The following CARD19 variants were observed in gnomAD, a reference collection of about 807,000 sequenced individuals.
The protein encoded by CARD19 is caspase recruitment domain family member 19.
CARD19 carries 25 observed loss-of-function variants against 24.1 expected under a neutral mutation model. The observed-to-expected ratio is 1.04, with a 90% confidence interval of 0.76 to 1.45. The LOEUF (loss-of-function observed/expected upper bound fraction) is 1.45. Among genes scored for constraint, CARD19 ranks in the 40% most tolerant of loss-of-function variants. The probability of loss-of-function intolerance (pLI) is 0.00; values close to 1 mark genes in which losing one functional copy is unlikely to be tolerated. For missense variants in CARD19, 241 were observed against 247.4 expected, an observed-to-expected ratio of 0.97 and a Z score of 0.17; for synonymous variants, 103 against 104.9, an observed-to-expected ratio of 0.98 and a Z score of 0.11.
intron 4 of CARD19, 40 bp from the exon 5 acceptor site, chr9:93,112,178 G>C (rs1303774918): frequency 1.3e-6 from 2 of 1,537,240 alleles, no homozygotes; most frequent in Non-Finnish European, 1.8e-6. Context: ...CCACCCCTCT[G>C]AGGCCCAGGG....
chr9:93,107,834 G>C lies in CARD19; in HGVS notation c.150+18G>C, dbSNP rs755984950. 29 of 1,613,936 alleles carry C rather than the reference G, an allele frequency of 1.8e-5. No individual in the cohort carries two copies. The highest frequency in any genetic ancestry group is 2.7e-5 in the African/African-American group (2 of 74,938). ...CGGAAAAGGTGCTGAGGAGGTGAGGGGGGTACCCGAGACACTGCTCAGTTT... is the reference window on the plus strand; with the variant it reads ...CGGAAAAGGTGCTGAGGAGGTGAGGCGGGTACCCGAGACACTGCTCAGTTT... On this transcript the variant is annotated intron_variant, in intron 2 of 5. Transcript: ENST00000375464.
At chr9:93,098,900 CT>C (rs10693165) in intron 1 of CARD19, among the ~76,000 whole-genome samples, 7 of 120,450 alleles carry the variant, frequency 5.8e-5, no homozygotes, top group Non-Finnish European at 8.2e-5. Context: ...TTGCAGAACT[CT>C]TTTTTTTTTT....
intron 3 of CARD19, chr9:93,111,647 G>T (rs1332334907): frequency 1.2e-5 from 17 of 1,386,114 alleles, no homozygotes; most frequent in Non-Finnish European, 1.6e-5. Flanking sequence ...CCCACTGGAG[G>T]TAGAGCACCT....
At chr9:93,104,136 A>G (rs1827170947) in intron 1 of CARD19, among the ~76,000 whole-genome samples, 1 of 152,206 alleles carries the variant, frequency 6.6e-6, no homozygotes, top group South Asian at 2.1e-4. Flanking sequence ...TGATTTGTAC[A>G]TGTTAAACCA....
chr9:93,111,177 T>C, intron 3 of CARD19: 1 of 1,196,476 alleles, frequency 8.4e-7, no homozygotes, highest in Non-Finnish European at 1.1e-6. Flanking sequence ...GTGTGGGTGT[T>C]TCCATAGGAC....
chr9:93,098,229 A>G (rs1433886985), intron 1 of CARD19, among the ~76,000 whole-genome samples: 1 of 152,240 alleles, frequency 6.6e-6, no homozygotes, highest in African/African-American at 2.4e-5. Context: ...TCTGGACTCC[A>G]GTTGGTTGGG....
Position 93,100,827 on chromosome 9 carries a change from G to A in CARD19, c.7+4475G>A, listed in dbSNP as rs539316888. Among the ~76,000 whole-genome samples the A allele has an allele frequency of 4.6e-5, 7 of 152,214 alleles. No individual in the cohort carries two copies. In the South Asian group the frequency reaches 8.3e-4, roughly 18 times the overall value. On this transcript the variant is annotated intron_variant, in intron 1 of 5. Coordinates refer to ENST00000375464, the MANE Select transcript of CARD19 (RefSeq NM_032310.5). ...AATTGGAATCATATAATATTTGTCC[G>A]TTTGTGCCTTGTTTATTGCACTTAG...
chr9:93,112,321 C>T, intron 5 of CARD19, 32 bp downstream of exon 5: 1 of 1,531,458 alleles, frequency 6.5e-7, no homozygotes, highest in Non-Finnish European at 8.8e-7. Flanking sequence ...TGGGGCTGGG[C>T]CTGCCTCCCC....
chr9:93,112,313 G>C, intron 5 of CARD19, 24 bp downstream of exon 5: 1 of 1,539,096 alleles, frequency 6.5e-7, no homozygotes, highest in Non-Finnish European at 8.7e-7. Flanking sequence ...GATCCTCATG[G>C]GGCTGGGCCT....
In CARD19 at chr9:93,107,770, T is replaced by G. The variant is rs770441907; in HGVS notation, c.104T>G (p.Leu35Arg). 39 of 1,614,108 alleles carry G rather than the reference T, an allele frequency of 2.4e-5. No homozygotes were observed. The highest frequency in any genetic ancestry group is 3.1e-5 in the Non-Finnish European group (37 of 1,180,044). The change falls in exon 2 of 6, where the codon CTG (leucine) becomes CGG (arginine). Residue 35 changes from leucine (L) to arginine (R), a missense_variant. Transcript: ENST00000375464. ...CAGGTGGACAGGATCATCCTCCAGCTGAACCGTTACTACCCACAGATCCTT... is the reference window on the plus strand; with the variant it reads ...CAGGTGGACAGGATCATCCTCCAGCGGAACCGTTACTACCCACAGATCCTT... Reference protein sequence around the residue: ...EQQVDRIILQLNRYYPQILTN... With the variant: ...EQQVDRIILQRNRYYPQILTN...
chr9:93,099,643 G>T (rs1294505384), intron 1 of CARD19, among the ~76,000 whole-genome samples: 1 of 152,206 alleles, frequency 6.6e-6, no homozygotes, highest in Non-Finnish European at 1.5e-5. Flanking sequence ...TAACGAGAGG[G>T]CTGCAGGCGC....
chr9:93,111,029 T>TA (rs1283631644), intron 3 of CARD19: 20 of 1,431,554 alleles, frequency 1.4e-5, no homozygotes, highest in Non-Finnish European at 1.9e-5. Context: ...CTTCCTTTTC[T>TA]AACCTCATTC....
Position 93,112,215 on chromosome 9 carries a change from C to G in CARD19, c.365-3C>G, listed in dbSNP as rs1232535263. 6.5e-7 allele frequency: 1 copy of G among 1,544,802 alleles called. No individual in the cohort carries two copies. Among genetic ancestry groups the G allele is most frequent in the Non-Finnish European group, 8.7e-7 (1 of 1,146,950 alleles). On this transcript the variant is annotated splice_polypyrimidine_tract_variant and splice_region_variant and intron_variant, in intron 4 of 5. Transcript: ENST00000375464. Reference sequence around the variant, plus strand: ...AGCCCTGTTCACGCTGGTTTCTCCCCAGGACCCATGAGCTTCCTGGCTGGC... The same window carrying G: ...AGCCCTGTTCACGCTGGTTTCTCCCGAGGACCCATGAGCTTCCTGGCTGGC...
At chr9:93,103,150 A>G (rs1827143957) in intron 1 of CARD19, among the ~76,000 whole-genome samples, 1 of 152,130 alleles carries the variant, frequency 6.6e-6, no homozygotes, top group Admixed American at 6.5e-5. Context: ...TCTAGTTAGG[A>G]CTGCTAGTAC....
chr9:93,112,384 T>A, intron 5 of CARD19, 95 bp downstream of exon 5: 2 of 992,262 alleles, frequency 2.0e-6, no homozygotes, highest in Non-Finnish European at 3.1e-6. Flanking sequence ...CCCCTTGGCC[T>A]CTTCGTACCT....
chr9:93,105,821 A>G (rs7031737), intron 1 of CARD19, among the ~76,000 whole-genome samples: 23,845 of 152,120 alleles, frequency 0.16, 3,971 homozygotes, highest in African/African-American at 0.41. Flanking sequence ...TATGTCTGCC[A>G]GGTATAATTG....
At position 93,099,210 on chromosome 9, in the gene CARD19, C is replaced by T. The variant is rs28738803; in HGVS notation, c.7+2858C>T. ...AAGTGCTGGGATTATAGGCGTGAGC[C>T]ACCGCGTCCGGCCTGCAGAACTCTT... On this transcript the variant is annotated intron_variant, in intron 1 of 5. Coordinates refer to ENST00000375464, the MANE Select transcript of CARD19 (RefSeq NM_032310.5). Among the ~76,000 whole-genome samples, 1,364 of 152,296 alleles carry T rather than the reference C, an allele frequency of 9.0e-3. 16 individuals are homozygous for T. The highest frequency in any genetic ancestry group is 0.031 in the African/African-American group (1,303 of 41,552).
At chr9:93,110,155 G>A (rs143470134) in intron 2 of CARD19, 2,145 of 166,244 alleles carry the variant, frequency 0.013, 52 homozygotes, top group African/African-American at 0.047. Flanking sequence ...CACCACACCC[G>A]GCTAAGTTTT....
intron 1 of CARD19, among the ~76,000 whole-genome samples, chr9:93,097,988 A>G (rs1249935043): frequency 1.3e-5 from 2 of 152,278 alleles, no homozygotes; most frequent in African/African-American, 4.8e-5. Flanking sequence ...CCATAGTCCC[A>G]GGCTCACTGC....
Sources: allele counts gnomAD v4.1 joint callset (sites outside exome capture counted in the v4.1 genomes callset), GRCh38; gene constraint gnomAD v4.1.1; transcripts MANE v1.5; gene names NCBI Gene and HGNC (gene_info 2026-07-23, HGNC 2026-07-21).